KCNA1: variants seen among roughly 807,000 people sequenced by gnomAD.
KCNA1 encodes the protein potassium channel, voltage gated shaker related subfamily A, member 1.
Under a neutral mutation model 28.8 loss-of-function variants are expected in KCNA1, and 19 were observed. The ratio of observed to expected loss-of-function variants is 0.66; its 90% CI spans 0.46 to 0.97. The LOEUF (loss-of-function observed/expected upper bound fraction) is 0.97, where lower values mean the gene tolerates loss of function less well. Among genes scored for constraint, KCNA1 ranks in the 50% least tolerant of loss-of-function variants. The pLI is 0.00. For synonymous variants in KCNA1, 311 were observed against 268.8 expected (o/e 1.16, Z -1.53); for missense variants, 419 against 659.7 (o/e 0.64, Z 4.00).
Position 4,913,088 on chromosome 12 carries a change from T to G in KCNA1, c.*222T>G, listed in dbSNP as rs1295043894. 5.3e-6 allele frequency: 3 copies of G among 570,168 alleles called. No homozygotes were observed. In the African/African-American group the frequency reaches 5.7e-5, roughly 11 times the overall value. The allele number at this position is 570,168 out of a possible 1,614,324, so 35.3% of individuals were successfully genotyped here. A position where few individuals can be genotyped will look rare whatever the true frequency, so the allele number is the denominator to read the frequency against. ...ACAAAATAAACTATTTTCCTTTTATTAAAAAATGGGAAAAGAGAGAGTATT... is the reference window on the plus strand; with the variant it reads ...ACAAAATAAACTATTTTCCTTTTATGAAAAAATGGGAAAAGAGAGAGTATT... On this transcript the variant is annotated 3_prime_UTR_variant, in exon 2 of 2. Transcript: ENST00000382545.
chr12:4,916,927 C>A lies in KCNA1; in HGVS notation c.*4061C>A, dbSNP rs1947389597. ...AATAAAAATAGTTTCCTAGCCCTCT[C>A]ATTTAATATAGGAGACCTCAAAACA... On this transcript the variant is annotated 3_prime_UTR_variant, in exon 2 of 2. Transcript: ENST00000382545. The A allele has an allele frequency of 6.0e-6, 1 of 167,036 alleles. No individual in the cohort carries two copies. Among genetic ancestry groups the A allele is most frequent in the African/African-American group, 2.4e-5 (1 of 41,446 alleles). The allele number at this position is 167,036 out of a possible 1,614,324, so 10.3% of individuals were successfully genotyped here.
At position 4,917,548 on chromosome 12, in the gene KCNA1, T is replaced by C. The variant is rs1947392914; in HGVS notation, c.*4682T>C. ...GCTCAGGCAAAATGACCCTGGGCTTTCTTGGGAAGTCCAGCATGTATGTAA... is the reference window on the plus strand; with the variant it reads ...GCTCAGGCAAAATGACCCTGGGCTTCCTTGGGAAGTCCAGCATGTATGTAA... On this transcript the variant is annotated 3_prime_UTR_variant, in exon 2 of 2. Coordinates refer to ENST00000382545, the MANE Select transcript of KCNA1 (RefSeq NM_000217.3). 2 of 167,088 alleles carry C rather than the reference T, an allele frequency of 1.2e-5. No individual in the cohort carries two copies. Among genetic ancestry groups the C allele is most frequent in the South Asian group, 4.2e-4 (2 of 4,816 alleles). 10.4% of individuals were successfully genotyped at this position (167,088 alleles called of 1,614,324 possible).
At position 4,917,676 on chromosome 12, in the gene KCNA1, C is replaced by T. The variant is rs545289240; in HGVS notation, c.*4810C>T. 27 of 166,978 alleles carry T rather than the reference C, an allele frequency of 1.6e-4. 1 individual carries two copies. The South Asian group carries it at 3.1e-3, about 19-fold the overall frequency. The allele number at this position is 166,978 out of a possible 1,614,324, so 10.3% of individuals were successfully genotyped here. A position where few individuals can be genotyped will look rare whatever the true frequency, so the allele number is the denominator to read the frequency against. On this transcript the variant is annotated 3_prime_UTR_variant, in exon 2 of 2. Coordinates refer to ENST00000382545, the MANE Select transcript of KCNA1 (RefSeq NM_000217.3). The stretch of plus-strand genomic sequence containing the variant: ...CTAACTAGGAGTTTACTCTTTATGA[C>T]GTGAAACTTCAAAGAGTATAGAAAA...
In KCNA1 at chr12:4,914,889, G is replaced by C. The variant is rs1947375196; in HGVS notation, c.*2023G>C. ...ATCGAGGGCCACTTTGGACACACAAGGCTTCCTCAGGTCCAGTGTAGTGCT... is the reference window on the plus strand; with the variant it reads ...ATCGAGGGCCACTTTGGACACACAACGCTTCCTCAGGTCCAGTGTAGTGCT... On this transcript the variant is annotated 3_prime_UTR_variant, in exon 2 of 2. Coordinates refer to ENST00000382545, the MANE Select transcript of KCNA1 (RefSeq NM_000217.3). 1 of 167,078 alleles carries C rather than the reference G, an allele frequency of 6.0e-6. No homozygotes were observed. The highest frequency in any genetic ancestry group is 1.5e-5 in the Non-Finnish European group (1 of 68,148). The allele number at this position is 167,078 out of a possible 1,614,324, so 10.3% of individuals were successfully genotyped here. A position where few individuals can be genotyped will look rare whatever the true frequency, so the allele number is the denominator to read the frequency against.
At position 4,915,859 on chromosome 12, in the gene KCNA1, A is replaced by G. The variant is rs1947382602; in HGVS notation, c.*2993A>G. On this transcript the variant is annotated 3_prime_UTR_variant, in exon 2 of 2. Coordinates refer to ENST00000382545, the MANE Select transcript of KCNA1 (RefSeq NM_000217.3). ...GGTATTTGGTATATTTACCGTGGTTACACTCTGGACTGGTTGATTCTTCTG... is the reference window on the plus strand; with the variant it reads ...GGTATTTGGTATATTTACCGTGGTTGCACTCTGGACTGGTTGATTCTTCTG... The G allele has an allele frequency of 6.0e-6, 1 of 167,144 alleles. No individual in the cohort carries two copies. The highest frequency in any genetic ancestry group is 2.4e-5 in the African/African-American group (1 of 41,464). The allele number at this position is 167,144 out of a possible 1,614,324, so 10.4% of individuals were successfully genotyped here.
rs200511296 is a variant in KCNA1 at position 4,912,041 on chromosome 12, C to T, written c.663C>T (p.Phe221=). ...ATTCCAACATCTTCACAGACCCCTT[C>T]TTCATCGTGGAAACGCTGTGTATCA... ...IYNSNIFTDP[F]FIVETLCIIW... The change falls in exon 2 of 2, where the codon TTC becomes TTT. Residue 221 remains phenylalanine (F), a synonymous_variant. Coordinates refer to ENST00000382545, the MANE Select transcript of KCNA1 (RefSeq NM_000217.3). 3 of 1,614,208 alleles carry T rather than the reference C, an allele frequency of 1.9e-6. No homozygotes were observed. Among genetic ancestry groups the T allele is most frequent in the Non-Finnish European group, 2.5e-6 (3 of 1,180,042 alleles).
At position 4,912,128 on chromosome 12, in the gene KCNA1, C is replaced by T; in HGVS notation, c.750C>T (p.Phe250=). The T allele has an allele frequency of 6.2e-7, 1 of 1,614,082 alleles. No homozygotes were observed. The highest frequency in any genetic ancestry group is 8.5e-7 in the Non-Finnish European group (1 of 1,180,014). Residue 250 remains phenylalanine (F), a synonymous_variant, in exon 2 of 2, where the codon TTC becomes TTT. Transcript: ENST00000382545. ...CCTGCCCCAGCAAGACGGACTTCTT[C>T]AAAAACATCATGAACTTCATAGACA... ...FFACPSKTDF[F]KNIMNFIDIV... is the part of the protein sequence containing the mutation.
rs1345462576 is a variant in KCNA1 at position 4,916,781 on chromosome 12, C to T, written c.*3915C>T. On this transcript the variant is annotated 3_prime_UTR_variant, in exon 2 of 2. Coordinates refer to ENST00000382545, the MANE Select transcript of KCNA1 (RefSeq NM_000217.3). ...GATTTGCTTGAGAATTAAAAAAATA[C>T]ATGTAAATGGTAAATGAGGAATACA... 1 of 166,976 alleles carries T rather than the reference C, an allele frequency of 6.0e-6. No individual in the cohort carries two copies. The highest frequency in any genetic ancestry group is 2.4e-5 in the African/African-American group (1 of 41,426). 10.3% of individuals were successfully genotyped at this position (166,976 alleles called of 1,614,324 possible). A position where few individuals can be genotyped will look rare whatever the true frequency, so the allele number is the denominator to read the frequency against.
rs539932572 is a variant in KCNA1, at chr12:4,915,575, C to G, written c.*2709C>G. 2 of 167,116 alleles carry G rather than the reference C, an allele frequency of 1.2e-5. No individual in the cohort carries two copies. The highest frequency in any genetic ancestry group is 4.8e-5 in the African/African-American group (2 of 41,460). The allele number at this position is 167,116 out of a possible 1,614,324, so 10.4% of individuals were successfully genotyped here. On this transcript the variant is annotated 3_prime_UTR_variant, in exon 2 of 2. Transcript: ENST00000382545. Reference sequence around the variant, plus strand: ...CAGCATCCGACTACAGGGCATTAAACCCTCCCATGTGATGTCTCCTTCTCG... The same window carrying G: ...CAGCATCCGACTACAGGGCATTAAAGCCTCCCATGTGATGTCTCCTTCTCG...
In KCNA1 at chr12:4,912,491, C is replaced by T. The variant is rs1244314386; in HGVS notation, c.1113C>T (p.Thr371=). 6.2e-7 allele frequency: 1 copy of T among 1,613,836 alleles called. No individual in the cohort carries two copies. The highest frequency in any genetic ancestry group is 1.7e-5 in the Admixed American group (1 of 59,974). ...DAFWWAVVSM[T]TVGYGDMYPV... ...TCTGGTGGGCGGTGGTGTCCATGAC[C>T]ACTGTAGGATACGGTGACATGTACC... The change falls in exon 2 of 2, where the codon ACC becomes ACT. Residue 371 remains threonine, a synonymous_variant. Coordinates refer to ENST00000382545, the MANE Select transcript of KCNA1 (RefSeq NM_000217.3).
Position 4,911,952 on chromosome 12 carries a change from C to G in KCNA1, c.574C>G (p.Leu192Val). 6.2e-7 allele frequency: 1 copy of G among 1,614,092 alleles called. No individual in the cohort carries two copies. The highest frequency in any genetic ancestry group is 8.5e-7 in the Non-Finnish European group (1 of 1,180,012). ...VIFCLETLPE[L>V]KDDKDFTGTV... is the part of the protein sequence containing the mutation. The stretch of plus-strand genomic sequence containing the variant: ...CTTTTGCCTGGAGACGCTCCCCGAG[C>G]TGAAGGATGACAAGGACTTCACGGG... The change falls in exon 2 of 2, where the codon CTG (leucine) becomes GTG (valine). Residue 192 changes from leucine (L) to valine (V), a missense_variant. By Grantham distance (32) the Leu-to-Val change is conservative (BLOSUM62 1). Coordinates refer to ENST00000382545, the MANE Select transcript of KCNA1 (RefSeq NM_000217.3). This position sits in a 1 kb window ranked among gnomAD's most constrained non-coding sequence, Gnocchi z 6.6.
rs139476802 is a variant in KCNA1, at chr12:4,911,510, C to G, written c.132C>G (p.Ser44=). The change falls in exon 2 of 2, where the codon TCC becomes TCG. Residue 44 remains serine, a synonymous_variant. Coordinates refer to ENST00000382545, the MANE Select transcript of KCNA1 (RefSeq NM_000217.3). This position sits in a 1 kb window ranked among gnomAD's most constrained non-coding sequence, Gnocchi z 6.6. Reference sequence around the variant, plus strand: ...GCGAGCGCGTGGTGATCAACATCTCCGGGCTGCGCTTCGAGACGCAGCTCA... The same window carrying G: ...GCGAGCGCGTGGTGATCAACATCTCGGGGCTGCGCTTCGAGACGCAGCTCA... ...ECCERVVINI[S]GLRFETQLKT... The G allele has an allele frequency of 6.2e-7, 1 of 1,614,050 alleles. No individual in the cohort carries two copies. The highest frequency in any genetic ancestry group is 1.3e-5 in the African/African-American group (1 of 74,932).
In KCNA1 at chr12:4,916,640, T is replaced by C. The variant is rs1274960681; in HGVS notation, c.*3774T>C. On this transcript the variant is annotated 3_prime_UTR_variant, in exon 2 of 2. Coordinates refer to ENST00000382545, the MANE Select transcript of KCNA1 (RefSeq NM_000217.3). Reference sequence around the variant, plus strand: ...AGCCTTGCAGAATCAGATAAACCAATAGCAAGTCCTTCTCCAGGATTCTGG... The same window carrying C: ...AGCCTTGCAGAATCAGATAAACCAACAGCAAGTCCTTCTCCAGGATTCTGG... 6.0e-6 allele frequency: 1 copy of C among 167,046 alleles called. No homozygotes were observed. The highest frequency in any genetic ancestry group is 1.5e-5 in the Non-Finnish European group (1 of 68,116). 10.3% of individuals were successfully genotyped at this position (167,046 alleles called of 1,614,324 possible).
In KCNA1 at chr12:4,916,895, A is replaced by G. The variant is rs1183987888; in HGVS notation, c.*4029A>G. ...ACGTTTTTCAAATTAGGTACCATCT[A>G]AAAGTCAATAAAAATAGTTTCCTAG... On this transcript the variant is annotated 3_prime_UTR_variant, in exon 2 of 2. Transcript: ENST00000382545. 1 of 167,072 alleles carries G rather than the reference A, an allele frequency of 6.0e-6. No homozygotes were observed. Among genetic ancestry groups the G allele is most frequent in the Non-Finnish European group, 1.5e-5 (1 of 68,130 alleles). 10.3% of individuals were successfully genotyped at this position (167,072 alleles called of 1,614,324 possible). A position where few individuals can be genotyped will look rare whatever the true frequency, so the allele number is the denominator to read the frequency against.
In KCNA1 at chr12:4,911,985, C is replaced by T. The variant is rs1461354272; in HGVS notation, c.607C>T (p.His203Tyr). The T allele has an allele frequency of 1.2e-6, 2 of 1,614,152 alleles. No homozygotes were observed. The highest frequency in any genetic ancestry group is 1.7e-6 in the Non-Finnish European group (2 of 1,180,032). ...KDDKDFTGTV[H>Y]RIDNTTVIYN... ...TGACAAGGACTTCACGGGCACCGTC[C>T]ACCGCATCGACAACACCACGGTCAT... Residue 203 changes from histidine (H) to tyrosine (Y), a missense_variant, in exon 2 of 2, where the codon CAC becomes TAC. Physicochemically the swap from His to Tyr is moderately conservative, Grantham distance 83 (BLOSUM62 2). Transcript: ENST00000382545. This position sits in a 1 kb window ranked among gnomAD's most constrained non-coding sequence, Gnocchi z 6.6.
At position 4,911,618 on chromosome 12, in the gene KCNA1, C is replaced by T. The variant is rs368673884; in HGVS notation, c.240C>T (p.Tyr80=). The T allele has an allele frequency of 6.8e-6, 11 of 1,614,076 alleles. No homozygotes were observed. In the African/African-American group the frequency reaches 9.3e-5, roughly 14 times the overall value. Residue 80 remains tyrosine (Y), a synonymous_variant, in exon 2 of 2, where the codon TAC becomes TAT. Coordinates refer to ENST00000382545, the MANE Select transcript of KCNA1 (RefSeq NM_000217.3). The surrounding 1 kb of genome is among the most constrained non-coding windows in gnomAD (Gnocchi z 6.6). ...MRYFDPLRNE[Y]FFDRNRPSFD... is the part of the protein sequence containing the mutation. ...ACTTCGACCCCCTGAGGAACGAGTA[C>T]TTCTTCGACCGCAACCGGCCCAGCT...
Position 4,913,064 on chromosome 12 carries a change from C to T in KCNA1, c.*198C>T. The T allele has an allele frequency of 1.6e-6, 1 of 614,334 alleles. No individual in the cohort carries two copies. The highest frequency in any genetic ancestry group is 2.9e-6 in the Non-Finnish European group (1 of 339,478). The allele number at this position is 614,334 out of a possible 1,614,324, so 38.1% of individuals were successfully genotyped here. A position where few individuals can be genotyped will look rare whatever the true frequency, so the allele number is the denominator to read the frequency against. ...AACCAGAAGCTTTCAAGATCCATGA[C>T]AAAATAAACTATTTTCCTTTTATTA... On this transcript the variant is annotated 3_prime_UTR_variant, in exon 2 of 2. Transcript: ENST00000382545.
In KCNA1 at chr12:4,917,630, A is replaced by G. The variant is rs1394533124; in HGVS notation, c.*4764A>G. 2 of 167,116 alleles carry G rather than the reference A, an allele frequency of 1.2e-5. No homozygotes were observed. Among genetic ancestry groups the G allele is most frequent in the African/African-American group, 4.8e-5 (2 of 41,472 alleles). The allele number at this position is 167,116 out of a possible 1,614,324, so 10.4% of individuals were successfully genotyped here. On this transcript the variant is annotated 3_prime_UTR_variant, in exon 2 of 2. Transcript: ENST00000382545. ...CGCTTTAAGGAGATTAACCCTAGTC[A>G]CAGTGATTTTCATTTAGGAGCTAAC...
At position 4,911,532 on chromosome 12, in the gene KCNA1, C is replaced by T; in HGVS notation, c.154C>T (p.Leu52Phe). The T allele has an allele frequency of 6.2e-7, 1 of 1,614,188 alleles. No individual in the cohort carries two copies. Among genetic ancestry groups the T allele is most frequent in the African/African-American group, 1.3e-5 (1 of 75,054 alleles). ...CTCCGGGCTGCGCTTCGAGACGCAG[C>T]TCAAGACCCTGGCGCAGTTCCCCAA... is the stretch of plus-strand genomic sequence containing the variant. ...NISGLRFETQ[L>F]KTLAQFPNTL... is the part of the protein sequence containing the mutation. Residue 52 changes from leucine (L) to phenylalanine (F), a missense_variant, in exon 2 of 2, where the codon CTC becomes TTC. By Grantham distance (22) the Leu-to-Phe change is conservative. Around this residue, in one of 4 missense-constraint regions of KCNA1, gnomAD observed 217 missense variants for 329.6 expected, o/e 0.66. Coordinates refer to ENST00000382545, the MANE Select transcript of KCNA1 (RefSeq NM_000217.3). The surrounding 1 kb of genome is among the most constrained non-coding windows in gnomAD (Gnocchi z 6.6).
Sources: allele counts gnomAD v4.1 joint callset, GRCh38; gene constraint gnomAD v4.1.1; regional missense constraint gnomAD v4.1.1; non-coding constraint Gnocchi (gnomAD v3.1); transcripts MANE v1.5; gene names NCBI Gene and HGNC (gene_info 2026-07-23, HGNC 2026-07-21).